Variants in CADPS observed in about 807,000 individuals in gnomAD.
The protein encoded by CADPS is calcium-dependent secretion activator 1.
Under a neutral mutation model 167.3 loss-of-function variants are expected in CADPS, and 57 were observed. The observed-to-expected ratio is 0.34, with a 90% CI of 0.28 to 0.42. CADPS has a LOEUF of 0.42. CADPS is among the 20% of genes least tolerant of loss of function. The probability of loss-of-function intolerance (pLI) is 1.00; values close to 1 mark genes in which losing one functional copy is unlikely to be tolerated. For synonymous variants in CADPS, 676 were observed against 635.3 expected (o/e 1.06, Z -0.96); for missense variants, 1,414 against 1,738.1 (o/e 0.81, Z 3.32).
intron 3 of CADPS, among the ~76,000 whole-genome samples, chr3:62,740,412 G>T (rs1462739679): frequency 1.3e-5 from 2 of 152,132 alleles, no homozygotes; most frequent in Non-Finnish European, 2.9e-5. Flanking sequence ...CCATGGTAGG[G>T]TGTTTAATTT....
In CADPS at chr3:62,753,178, A is replaced by C. The variant is rs2083081734; in HGVS notation, c.888+263T>G. 6.6e-6 allele frequency among the ~76,000 whole-genome samples: 1 copy of C among 152,196 alleles called. No homozygotes were observed. Among genetic ancestry groups the C allele is most frequent in the South Asian group, 2.1e-4 (1 of 4,832 alleles). On this transcript the variant is annotated intron_variant, in intron 3 of 29. Transcript: ENST00000383710. The surrounding 1 kb of genome is among the most constrained non-coding windows in gnomAD (Gnocchi z 4.6). ...AAAACAAGCCTTACTCATAGGGCCA[A>C]CTTACCCATTAGACACAATGAGCTC...
At chr3:62,453,647 G>C (rs540866513) in intron 26 of CADPS, among the ~76,000 whole-genome samples, 1 of 152,330 alleles carries the variant, frequency 6.6e-6, no homozygotes, top group East Asian at 1.9e-4. Context: ...CTGCGTGTGC[G>C]GGTGAGCAGT....
intron 11 of CADPS, among the ~76,000 whole-genome samples, chr3:62,546,317 A>G (rs1391288471): frequency 6.6e-6 from 1 of 152,132 alleles, no homozygotes; most frequent in Non-Finnish European, 1.5e-5. Context: ...CCTGGTGACC[A>G]ATCCGTCCTA....
At position 62,442,286 on chromosome 3, in the gene CADPS, A is replaced by G. The variant is rs2056461086; in HGVS notation, c.3669+3479T>C. On this transcript the variant is annotated intron_variant, in intron 27 of 29. Coordinates refer to ENST00000383710, the MANE Select transcript of CADPS (RefSeq NM_003716.4). Reference sequence around the variant, plus strand: ...GAGTACAATGGCACAATCTCGGCTCACTGCAATCTCTGCCTCCCAGGTTCA... The same window carrying G: ...GAGTACAATGGCACAATCTCGGCTCGCTGCAATCTCTGCCTCCCAGGTTCA... Among the ~76,000 whole-genome samples the G allele has an allele frequency of 3.3e-5, 5 of 150,618 alleles. No homozygotes were observed. The South Asian group carries it at 1.1e-3, about 32-fold the overall frequency.
intron 10 of CADPS, among the ~76,000 whole-genome samples, chr3:62,552,087 T>C (rs1437736053): frequency 6.6e-6 from 1 of 151,996 alleles, no homozygotes; most frequent in Non-Finnish European, 1.5e-5. Context: ...TAAATGAATA[T>C]GCTCTAGATC....
intron 2 of CADPS, among the ~76,000 whole-genome samples, chr3:62,756,880 G>C (rs1148828): frequency 0.2 from 30,351 of 152,046 alleles, 3,771 homozygotes; most frequent in African/African-American, 0.35. Flanking sequence ...GGGCCAGAGA[G>C]TCCAGGGAGG....
At chr3:62,698,673 CCTCCTT>C (rs900870674) in intron 3 of CADPS, among the ~76,000 whole-genome samples, 4 of 150,418 alleles carry the variant, frequency 2.7e-5, no homozygotes, top group East Asian at 2.0e-4. Flanking sequence ...TTTTCCTCCT[CCTCCTT>C]CTCCTTCACC....
At chr3:62,643,145 C>T (rs888269625) in intron 6 of CADPS, among the ~76,000 whole-genome samples, 1 of 152,158 alleles carries the variant, frequency 6.6e-6, no homozygotes, top group African/African-American at 2.4e-5. Flanking sequence ...GAGGAAGACA[C>T]ACGAGTGTTG....
At chr3:62,855,774 T>G (rs1477566663) in intron 1 of CADPS, among the ~76,000 whole-genome samples, 2 of 152,138 alleles carry the variant, frequency 1.3e-5, no homozygotes, top group African/African-American at 2.4e-5. Flanking sequence ...ATATCCTCCT[T>G]AACACACAGC....
At chr3:62,521,184 T>C (rs1043336161) in intron 13 of CADPS, among the ~76,000 whole-genome samples, 16 of 152,156 alleles carry the variant, frequency 1.1e-4, no homozygotes, top group African/African-American at 3.9e-4. Flanking sequence ...CTAGTGCTGC[T>C]GGTTCGAGGA....
chr3:62,728,704 T>G lies in CADPS; in HGVS notation c.888+24737A>C, dbSNP rs1466110788. ...TTGGCAAAGCCTGACTGCTTGTGTT[T>G]AATATTCTCAGATAACCCCTTCAAC... On this transcript the variant is annotated intron_variant, in intron 3 of 29. Coordinates refer to ENST00000383710, the MANE Select transcript of CADPS (RefSeq NM_003716.4). Among the ~76,000 whole-genome samples, 2 of 151,946 alleles carry G rather than the reference T, an allele frequency of 1.3e-5. 1 individual carries two copies. Among genetic ancestry groups the G allele is most frequent in the African/African-American group, 4.9e-5 (2 of 41,208 alleles).
At chr3:62,756,062 T>TC (rs1411385572) in intron 2 of CADPS, among the ~76,000 whole-genome samples, 3 of 151,538 alleles carry the variant, frequency 2.0e-5, no homozygotes, top group Admixed American at 6.6e-5. Flanking sequence ...TTTTTCTTTT[T>TC]TTTTTTTTTG....
At chr3:62,426,300 G>A (rs984134632) in intron 28 of CADPS, among the ~76,000 whole-genome samples, 34 of 152,218 alleles carry the variant, frequency 2.2e-4, no homozygotes, top group African/African-American at 4.1e-4. Context: ...ACAGGCATGC[G>A]CTGCCATGCT....
intron 1 of CADPS, among the ~76,000 whole-genome samples, chr3:62,825,814 C>T (rs1402544542): frequency 1.3e-5 from 2 of 152,172 alleles, no homozygotes; most frequent in African/African-American, 4.8e-5. Context: ...TACAATAGTC[C>T]TTCCTCTGAC....
intron 11 of CADPS, among the ~76,000 whole-genome samples, chr3:62,546,677 C>CT (rs1190300010): frequency 6.6e-6 from 1 of 151,988 alleles, no homozygotes; most frequent in Admixed American, 6.6e-5. Context: ...ATGTACAGAC[C>CT]TTTTTTTGGT....
intron 1 of CADPS, among the ~76,000 whole-genome samples, chr3:62,842,950 T>C (rs2076855963): frequency 6.6e-6 from 1 of 152,222 alleles, no homozygotes; most frequent in Non-Finnish European, 1.5e-5. Flanking sequence ...TAATTGAGAG[T>C]TCATTTTCTT....
At chr3:62,435,335 T>C (rs746664505) in intron 28 of CADPS, among the ~76,000 whole-genome samples, 1 of 152,154 alleles carries the variant, frequency 6.6e-6, no homozygotes, top group African/African-American at 2.4e-5. Context: ...TTGCAGAGCA[T>C]GTACACAAAG....
chr3:62,555,423 A>G (rs1007286722), intron 10 of CADPS, among the ~76,000 whole-genome samples: 3 of 152,244 alleles, frequency 2.0e-5, no homozygotes, highest in Admixed American at 6.5e-5. Flanking sequence ...TAGCTTTGCT[A>G]TAGCTGTTCA....
chr3:62,441,024 T>C lies in CADPS; in HGVS notation c.3670-2813A>G, dbSNP rs189949012. 1.1e-3 allele frequency: 161 copies of C among 152,332 alleles called. 1 individual carries two copies. The highest frequency in any genetic ancestry group is 3.7e-3 in the African/African-American group (155 of 41,572). 9.4% of individuals were successfully genotyped at this position (152,332 alleles called of 1,614,324 possible). A position where few individuals can be genotyped will look rare whatever the true frequency, so the allele number is the denominator to read the frequency against. ...AAAGGCAAGAAGGTTGTGTAATGCA[T>C]TTCAAGTAGATTTCCAATCAAAACA... On this transcript the variant is annotated intron_variant, in intron 27 of 29. Coordinates refer to ENST00000383710, the MANE Select transcript of CADPS (RefSeq NM_003716.4).
Sources: allele counts gnomAD v4.1 joint callset (sites outside exome capture counted in the v4.1 genomes callset), GRCh38; gene constraint gnomAD v4.1.1; non-coding constraint Gnocchi (gnomAD v3.1); transcripts MANE v1.5; gene names NCBI Gene and HGNC (gene_info 2026-07-23, HGNC 2026-07-21).